The following AGO2 variants were observed in gnomAD, a reference collection of about 807,000 sequenced individuals.
The protein encoded by AGO2 is argonaute RISC catalytic component 2.
Under a neutral mutation model 102.3 loss-of-function variants are expected in AGO2, and 5 were observed. That is an observed-to-expected ratio of 0.05 (90% CI 0.03 to 0.10). The LOEUF is 0.10. Ranked by LOEUF, AGO2 falls within the 10% of genes least tolerant of loss-of-function variation. The pLI is 1.00. For synonymous variants in AGO2, 449 were observed against 473.1 expected, an observed-to-expected ratio of 0.95 and a Z score of 0.66; for missense variants, 541 against 1,183.7, an observed-to-expected ratio of 0.46 and a Z score of 7.97.
chr8:140,608,182 A>T (rs2074029715), intron 1 of AGO2, among the ~76,000 whole-genome samples: 1 of 152,178 alleles, frequency 6.6e-6, no homozygotes, highest in African/African-American at 2.4e-5. Context: ...AGACATTAGC[A>T]TGAGACAGGC....
chr8:140,541,062 G>A, intron 15 of AGO2, 102 bp downstream of exon 15: 1 of 1,323,804 alleles, frequency 7.6e-7, no homozygotes, highest in Non-Finnish European at 1.0e-6. Context: ...GGCCGAATGA[G>A]AGCCACATCA....
In AGO2 at chr8:140,589,272, G is replaced by A. The variant is rs146456768; in HGVS notation, c.23-3961C>T. 4.6e-5 allele frequency among the ~76,000 whole-genome samples: 7 copies of A among 152,176 alleles called. No individual in the cohort carries two copies. Among genetic ancestry groups the A allele is most frequent in the African/African-American group, 1.4e-4 (6 of 41,432 alleles). ...TCCCCGCAGACGTGTACCCTGAGGCGGGGAGAGCAGCTGCAGAAATTCAGA... is the reference window on the plus strand; with the variant it reads ...TCCCCGCAGACGTGTACCCTGAGGCAGGGAGAGCAGCTGCAGAAATTCAGA... On this transcript the variant is annotated intron_variant, in intron 1 of 18. Transcript: ENST00000220592. This position sits in a 1 kb window ranked among gnomAD's most constrained non-coding sequence, Gnocchi z 4.2.
At position 140,635,626 on chromosome 8, in the gene AGO2, C is replaced by T; in HGVS notation, c.-120G>A. The stretch of plus-strand genomic sequence containing the variant: ...GATCCGCCCCGGCGCGGCCGCCTCG[C>T]CAAACAGGTTTACCCGACGCGGCCG... On this transcript the variant is annotated 5_prime_UTR_variant, in exon 1 of 19. Transcript: ENST00000220592. 5 of 718,790 alleles carry T rather than the reference C, an allele frequency of 7.0e-6. No individual in the cohort carries two copies. Among genetic ancestry groups the T allele is most frequent in the Non-Finnish European group, 8.5e-6 (5 of 589,192 alleles). 44.5% of individuals were successfully genotyped at this position (718,790 alleles called of 1,614,324 possible).
intron 1 of AGO2, among the ~76,000 whole-genome samples, chr8:140,616,336 C>A (rs2074142442): frequency 6.6e-6 from 1 of 152,214 alleles, no homozygotes; most frequent in African/African-American, 2.4e-5. Flanking sequence ...GCCGCAGGCA[C>A]CAACGGCTTC....
rs554958568 is a variant in AGO2 at position 140,521,564 on chromosome 8, T to G, written c.*10480A>C. The G allele has an allele frequency of 1.3e-5, 2 of 152,358 alleles. No individual in the cohort carries two copies. The highest frequency in any genetic ancestry group is 3.9e-4 in the East Asian group (2 of 5,192). The allele number at this position is 152,358 out of a possible 1,614,324, so 9.4% of individuals were successfully genotyped here. A position where few individuals can be genotyped will look rare whatever the true frequency, so the allele number is the denominator to read the frequency against. ...AGAATTAAGTAAAAAAAGATCGCCA[T>G]AGTAGGAAAAGTCTAGAATTGTAAA... On this transcript the variant is annotated 3_prime_UTR_variant, in exon 19 of 19. Coordinates refer to ENST00000220592, the MANE Select transcript of AGO2 (RefSeq NM_012154.5).
intron 1 of AGO2, among the ~76,000 whole-genome samples, chr8:140,634,138 T>C (rs1031056862): frequency 6.6e-6 from 1 of 152,050 alleles, no homozygotes; most frequent in African/African-American, 2.4e-5. Flanking sequence ...AGGGGGAAAA[T>C]CATTCTTCAA....
intron 11 of AGO2, among the ~76,000 whole-genome samples, chr8:140,550,451 G>A (rs2072976217): frequency 1.3e-5 from 2 of 152,228 alleles, no homozygotes; most frequent in African/African-American, 4.8e-5. Flanking sequence ...CGAGCATCCT[G>A]GGTGAGGGCA....
chr8:140,556,960 T>C, intron 8 of AGO2, 129 bp downstream of exon 8: 1 of 1,348,406 alleles, frequency 7.4e-7, no homozygotes, highest in Non-Finnish European at 1.0e-6. Flanking sequence ...CCACCCGCAT[T>C]CCTGCAGCAG....
chr8:140,623,601 G>A (rs1034766319), intron 1 of AGO2, among the ~76,000 whole-genome samples: 8 of 152,098 alleles, frequency 5.3e-5, no homozygotes, highest in African/African-American at 9.7e-5. Context: ...GGAGGGTGCC[G>A]TCTTGCTGCG....
At chr8:140,600,745 T>C (rs1373579155) in intron 1 of AGO2, among the ~76,000 whole-genome samples, 1 of 151,538 alleles carries the variant, frequency 6.6e-6, no homozygotes, top group Non-Finnish European at 1.5e-5. Context: ...TACATCCTTC[T>C]GGAAAGAGGC....
At chr8:140,584,615 C>T (rs968835055) in intron 2 of AGO2, among the ~76,000 whole-genome samples, 2 of 152,254 alleles carry the variant, frequency 1.3e-5, no homozygotes, top group East Asian at 1.9e-4. Flanking sequence ...AAACAGACTA[C>T]GAAATAGGCA....
At chr8:140,590,875 C>A (rs1196805961) in intron 1 of AGO2, among the ~76,000 whole-genome samples, 1 of 152,212 alleles carries the variant, frequency 6.6e-6, no homozygotes, top group Non-Finnish European at 1.5e-5. Context: ...ACAGATCCTG[C>A]TGCAGCCTCA....
intron 1 of AGO2, chr8:140,591,882 G>A (rs573139810): frequency 3.9e-5 from 6 of 152,342 alleles, no homozygotes; most frequent in African/African-American, 1.4e-4. Context: ...CACTTTGGGA[G>A]GCTGAGGCAG....
At chr8:140,634,113 G>A (rs2074372329) in intron 1 of AGO2, among the ~76,000 whole-genome samples, 1 of 152,378 alleles carries the variant, frequency 6.6e-6, no homozygotes, top group Non-Finnish European at 1.5e-5. Context: ...CAGGACTGCG[G>A]CCCCTCCCAG....
Position 140,610,028 on chromosome 8 carries a change from TAAAAA to T in AGO2, c.23-24722_23-24718del, listed in dbSNP as rs55637374. Among the ~76,000 whole-genome samples the T allele has an allele frequency of 4.5e-3, 564 of 126,550 alleles. 1 individual carries two copies. Among genetic ancestry groups the T allele is most frequent in the East Asian group, 6.5e-3 (23 of 3,552 alleles). The allele number at this position is 126,550 out of a possible 152,430, so 83.0% of individuals were successfully genotyped here. A position where few individuals can be genotyped will look rare whatever the true frequency, so the allele number is the denominator to read the frequency against. ...GGGAAATACAGCAAGACCTTGACTC[TAAAAA>T]AAAAAAAAAAAAAAAAAAAAGAAAA... On this transcript the variant is annotated intron_variant, in intron 1 of 18. Coordinates refer to ENST00000220592, the MANE Select transcript of AGO2 (RefSeq NM_012154.5).
rs904874198 is a variant in AGO2 at position 140,532,311 on chromosome 8, C to T, written c.2471+105G>A. 1.3e-5 allele frequency: 19 copies of T among 1,452,936 alleles called. 1 individual carries two copies. Among genetic ancestry groups the T allele is most frequent in the Non-Finnish European group, 1.4e-5 (15 of 1,071,970 alleles). 90.0% of individuals were successfully genotyped at this position (1,452,936 alleles called of 1,614,324 possible). A position where few individuals can be genotyped will look rare whatever the true frequency, so the allele number is the denominator to read the frequency against. ...ATTAACAGGCCTTCTGGGGTGCCGG[C>T]TCCAGCCGCTGGGGCCCTGCCCCTT... is the stretch of plus-strand genomic sequence containing the variant. On this transcript the variant is annotated intron_variant, in intron 18 of 18. Transcript: ENST00000220592.
intron 10 of AGO2, among the ~76,000 whole-genome samples, chr8:140,553,411 GTT>G (rs71320379): frequency 6.6e-5 from 3 of 45,218 alleles, no homozygotes; most frequent in African/African-American, 2.0e-4. Flanking sequence ...TTTGTTTTTT[GTT>G]TTTTTTTTTT....
chr8:140,559,587 C>A, intron 5 of AGO2, 58 bp from the exon 6 acceptor site: 1 of 1,604,124 alleles, frequency 6.2e-7, no homozygotes. Flanking sequence ...CTGGACGGGC[C>A]CATAGTCCTG....
At chr8:140,641,594 T>C in the AGO2 span, among the ~76,000 whole-genome samples, 1 of 152,200 alleles carries the variant, frequency 6.6e-6, no homozygotes, top group Non-Finnish European at 1.5e-5. Context: ...AAAAATTTAT[T>C]TATTTTTGAG....
Sources: gnomAD v4.1 joint callset for allele counts (sites outside exome capture counted in the v4.1 genomes callset) on GRCh38, gnomAD v4.1.1 for gene constraint, Gnocchi (gnomAD v3.1) non-coding constraint, MANE v1.5 for transcripts, NCBI Gene and HGNC (gene_info 2026-07-23, HGNC 2026-07-21) for gene names.